Variants in SLC7A6OS observed in about 807,000 individuals in gnomAD.
SLC7A6OS encodes solute carrier family 7 member 6 opposite strand, also known as probable RNA polymerase II nuclear localization protein SLC7A6OS.
Under a neutral mutation model 34.3 loss-of-function variants are expected in SLC7A6OS, and 22 were observed. The observed-to-expected ratio is 0.64, with a 90% CI of 0.46 to 0.92. The LOEUF is 0.92. Among genes scored for constraint, SLC7A6OS ranks in the 40% least tolerant of loss-of-function variants. SLC7A6OS has a pLI of 0.00. For synonymous variants in SLC7A6OS, 199 were observed against 165.0 expected, an observed-to-expected ratio of 1.21 and a Z score of -1.58; for missense variants, 434 against 407.7, an observed-to-expected ratio of 1.06 and a Z score of -0.56.
intron 2 of SLC7A6OS, among the ~76,000 whole-genome samples, chr16:68,304,523 T>C (rs2043312679): frequency 6.6e-6 from 1 of 152,112 alleles, no homozygotes; most frequent in African/African-American, 2.4e-5. Context: ...GGTTTCACTG[T>C]GTTAGCCAGG....
chr16:68,302,268 C>T, intron 4 of SLC7A6OS, 113 bp downstream of exon 4: 1 of 1,304,798 alleles, frequency 7.7e-7, no homozygotes. Flanking sequence ...TGCGGCTGGG[C>T]TGCTGGCGCT....
At position 68,310,493 on chromosome 16, in the gene SLC7A6OS, C is replaced by A. The variant is rs1322671574; in HGVS notation, c.313G>T (p.Val105Leu). The change falls in exon 2 of 5, where the codon GTG (valine) becomes TTG (leucine). Residue 105 changes from valine to leucine, a missense_variant. Transcript: ENST00000263997. ...CCCAAGGATCGGCGGCTGGAAAGCA[C>A]CCGGTAGCGGCCCTCCTGCCGGACC... ...REVRQEGRYR[V>L]LSSRRSLGTT... 1.3e-6 allele frequency: 2 copies of A among 1,588,256 alleles called. No individual in the cohort carries two copies. Among genetic ancestry groups the A allele is most frequent in the South Asian group, 1.1e-5 (1 of 88,468 alleles).
Position 68,300,908 on chromosome 16 carries a change from G to A in SLC7A6OS, c.*367C>T, listed in dbSNP as rs1597018192. 2 of 997,234 alleles carry A rather than the reference G, an allele frequency of 2.0e-6. No homozygotes were observed. Among genetic ancestry groups the A allele is most frequent in the Non-Finnish European group, 1.2e-6 (1 of 837,592 alleles). 61.8% of individuals were successfully genotyped at this position (997,234 alleles called of 1,614,324 possible). A position where few individuals can be genotyped will look rare whatever the true frequency, so the allele number is the denominator to read the frequency against. ...AGCCTGGTGGTATGGCACAGCAGAA[G>A]CTTACTGCTAATGAAATGGGAACCT... On this transcript the variant is annotated 3_prime_UTR_variant, in exon 5 of 5. Transcript: ENST00000263997.
rs535666644 is a variant in SLC7A6OS at position 68,302,303 on chromosome 16, T to C, written c.799+78A>G. On this transcript the variant is annotated intron_variant, in intron 4 of 4. Coordinates refer to ENST00000263997, the MANE Select transcript of SLC7A6OS (RefSeq NM_032178.3). Reference sequence around the variant, plus strand: ...TCAATGACAGAGAAGGAAAGGCAATTAAGATGCACCTGTCAACTATGCCTG... The same window carrying C: ...TCAATGACAGAGAAGGAAAGGCAATCAAGATGCACCTGTCAACTATGCCTG... 5 of 1,548,862 alleles carry C rather than the reference T, an allele frequency of 3.2e-6. No individual in the cohort carries two copies. The South Asian group carries it at 5.8e-5, about 18-fold the overall frequency.
chr16:68,301,457 G>A, intron 4 of SLC7A6OS, 52 bp from the exon 5 acceptor site: 1 of 1,535,620 alleles, frequency 6.5e-7, no homozygotes, highest in South Asian at 1.2e-5. Flanking sequence ...CTAGGCTACT[G>A]CAGGAGCCCC....
chr16:68,305,488 G>A (rs1439708163), intron 2 of SLC7A6OS, among the ~76,000 whole-genome samples: 1 of 152,132 alleles, frequency 6.6e-6, no homozygotes, highest in East Asian at 1.9e-4. Flanking sequence ...ACAGGGACAT[G>A]CTGCAGATGG....
intron 2 of SLC7A6OS, 87 bp from the exon 3 acceptor site, chr16:68,304,319 G>T: frequency 8.1e-7 from 1 of 1,230,458 alleles, no homozygotes; most frequent in Non-Finnish European, 1.2e-6. Flanking sequence ...GGTGAAGGAA[G>T]GCTCCCTACA....
intron 4 of SLC7A6OS, 74 bp from the exon 5 acceptor site, chr16:68,301,479 G>T: frequency 7.2e-7 from 1 of 1,387,832 alleles, no homozygotes; most frequent in Non-Finnish European, 9.9e-7. Context: ...TCTCTTCTCA[G>T]AAAGGTCTGT....
In SLC7A6OS at chr16:68,310,576, C is replaced by A. The variant is rs1045506163; in HGVS notation, c.230G>T (p.Arg77Leu). The part of the protein sequence containing the change: ...PVQPLLREVL[R>L]PSRDSQQRVR... ...ACGCTGCTGGCTGTCCCGTGACGGG[C>A]GCAGAACTTCCCGCAGGAGAGGCTG... Residue 77 changes from arginine to leucine, a missense_variant, in exon 2 of 5, where the codon CGC becomes CTC. Coordinates refer to ENST00000263997, the MANE Select transcript of SLC7A6OS (RefSeq NM_032178.3). The A allele has an allele frequency of 1.3e-6, 2 of 1,587,808 alleles. No homozygotes were observed. Among genetic ancestry groups the A allele is most frequent in the Non-Finnish European group, 1.7e-6 (2 of 1,168,740 alleles).
At position 68,298,851 on chromosome 16, in the gene SLC7A6OS, GA is replaced by G. The variant is rs2043220080; in HGVS notation, c.*2423del. ...CCCAGACACTGTCATCCTGGGCCGA[GA>G]AGAACCTGCTAGCTTGACATACCCC... On this transcript the variant is annotated 3_prime_UTR_variant, in exon 5 of 5. Coordinates refer to ENST00000263997, the MANE Select transcript of SLC7A6OS (RefSeq NM_032178.3). 6.5e-6 allele frequency: 1 copy of G among 152,740 alleles called. No homozygotes were observed. Among genetic ancestry groups the G allele is most frequent in the South Asian group, 2.1e-4 (1 of 4,828 alleles). The allele number at this position is 152,740 out of a possible 1,614,324, so 9.5% of individuals were successfully genotyped here.
Position 68,301,161 on chromosome 16 carries a change from T to C in SLC7A6OS, c.*114A>G. ...GTGCCGCCCGATATGCTTGATATGC[T>C]TTTCCTTCCACATGTTAAGCTAGGA... On this transcript the variant is annotated 3_prime_UTR_variant, in exon 5 of 5. Transcript: ENST00000263997. The C allele has an allele frequency of 6.7e-7, 1 of 1,484,568 alleles. No homozygotes were observed. Among genetic ancestry groups the C allele is most frequent in the Non-Finnish European group, 9.0e-7 (1 of 1,112,844 alleles). 92.0% of individuals were successfully genotyped at this position (1,484,568 alleles called of 1,614,324 possible).
At position 68,310,850 on chromosome 16, in the gene SLC7A6OS, G is replaced by C. The variant is rs780623572; in HGVS notation, c.77C>G (p.Ala26Gly). 2.9e-5 allele frequency: 46 copies of C among 1,612,898 alleles called. No homozygotes were observed. Among genetic ancestry groups the C allele is most frequent in the Non-Finnish European group, 3.8e-5 (45 of 1,179,846 alleles). Residue 26 changes from alanine to glycine, a missense_variant, in exon 1 of 5, where the codon GCT becomes GGT. Physicochemically the swap from Ala to Gly is moderately conservative, Grantham distance 60. Coordinates refer to ENST00000263997, the MANE Select transcript of SLC7A6OS (RefSeq NM_032178.3). Reference sequence around the variant, plus strand: ...CGCGTCGCTCCGGAGGCGTTTACAAGCGAGCACAAGAGCCTCCGCCGGCTC... The same window carrying C: ...CGCGTCGCTCCGGAGGCGTTTACAACCGAGCACAAGAGCCTCCGCCGGCTC... ...SAEPAEALVL[A>G]CKRLRSDAVE... is the part of the protein sequence containing the mutation.
In SLC7A6OS at chr16:68,310,587, C is replaced by T. The variant is rs2062921486; in HGVS notation, c.219G>A (p.Arg73=). Residue 73 remains arginine (R), a synonymous_variant, in exon 2 of 5, where the codon CGG becomes CGA. Transcript: ENST00000263997. ...TGTCCCGTGACGGGCGCAGAACTTCCCGCAGGAGAGGCTGGACTGGTTCCT... is the reference window on the plus strand; with the variant it reads ...TGTCCCGTGACGGGCGCAGAACTTCTCGCAGGAGAGGCTGGACTGGTTCCT... ...SQEEPVQPLL[R]EVLRPSRDSQ... 1.9e-6 allele frequency: 3 copies of T among 1,595,126 alleles called. No individual in the cohort carries two copies. Among genetic ancestry groups the T allele is most frequent in the Non-Finnish European group, 2.6e-6 (3 of 1,172,156 alleles).
At position 68,310,454 on chromosome 16, in the gene SLC7A6OS, C is replaced by A. The variant is rs535274480; in HGVS notation, c.352G>T (p.Gly118Cys). Reference protein sequence around the residue: ...SRRSLGTTSSGQESEYTPGNP... With the variant: ...SRRSLGTTSSCQESEYTPGNP... ...CCCGGCGTGTACTCGGACTCCTGGC[C>A]GCTCGAGGTGGTCCCCAAGGATCGG... The change falls in exon 2 of 5, where the codon GGC becomes TGC. Residue 118 changes from glycine (G) to cysteine (C), a missense_variant. Physicochemically the swap from Gly to Cys is radical, Grantham distance 159 (BLOSUM62 -3). Coordinates refer to ENST00000263997, the MANE Select transcript of SLC7A6OS (RefSeq NM_032178.3). 1.7e-5 allele frequency: 28 copies of A among 1,602,660 alleles called. No individual in the cohort carries two copies. Among genetic ancestry groups the A allele is most frequent in the African/African-American group, 1.7e-4 (13 of 74,856 alleles).
intron 4 of SLC7A6OS, 121 bp from the exon 5 acceptor site, chr16:68,301,526 T>C (rs1286894366): frequency 5.4e-6 from 4 of 735,148 alleles, no homozygotes; most frequent in Non-Finnish European, 6.2e-6. Flanking sequence ...CCTTGCTCAA[T>C]AAATAAAAAA....
At position 68,299,685 on chromosome 16, in the gene SLC7A6OS, T is replaced by G. The variant is rs2151236814; in HGVS notation, c.*1590A>C. ...TGTAACAGCACAGTGTTTTGTTTTT[T>G]TCACCCGGTTGCTGTATGAGAATGG... is the stretch of plus-strand genomic sequence containing the variant. On this transcript the variant is annotated 3_prime_UTR_variant, in exon 5 of 5. Coordinates refer to ENST00000263997, the MANE Select transcript of SLC7A6OS (RefSeq NM_032178.3). 6.6e-6 allele frequency: 1 copy of G among 152,342 alleles called. No homozygotes were observed. The highest frequency in any genetic ancestry group is 1.9e-4 in the East Asian group (1 of 5,186). 9.4% of individuals were successfully genotyped at this position (152,342 alleles called of 1,614,324 possible). A position where few individuals can be genotyped will look rare whatever the true frequency, so the allele number is the denominator to read the frequency against.
chr16:68,310,473 G>C lies in SLC7A6OS; in HGVS notation c.333C>G (p.Ser111=), dbSNP rs369299033. 8.4e-5 allele frequency: 135 copies of C among 1,598,230 alleles called. No individual in the cohort carries two copies. In the African/African-American group the frequency reaches 1.7e-3, roughly 20 times the overall value. Reference sequence around the variant, plus strand: ...CCTGGCCGCTCGAGGTGGTCCCCAAGGATCGGCGGCTGGAAAGCACCCGGT... The same window carrying C: ...CCTGGCCGCTCGAGGTGGTCCCCAACGATCGGCGGCTGGAAAGCACCCGGT... ...GRYRVLSSRR[S]LGTTSSGQES... The change falls in exon 2 of 5, where the codon TCC becomes TCG. Residue 111 remains serine (S), a synonymous_variant. Coordinates refer to ENST00000263997, the MANE Select transcript of SLC7A6OS (RefSeq NM_032178.3).
rs564548920 is a variant in SLC7A6OS, at chr16:68,308,140, G to GATCC, written c.471+2191_471+2194dup. On this transcript the variant is annotated intron_variant, in intron 2 of 4. Coordinates refer to ENST00000263997, the MANE Select transcript of SLC7A6OS (RefSeq NM_032178.3). ...TGGTCTTGAACTCCTGACCTCAAGTGATCCACCCGCCTCAGCCTCCCAAAG... is the reference window on the plus strand; with the variant it reads ...TGGTCTTGAACTCCTGACCTCAAGTGATCCATCCACCCGCCTCAGCCTCCCAAAG... Among the ~76,000 whole-genome samples the GATCC allele has an allele frequency of 5.2e-4, 79 of 151,510 alleles. No individual in the cohort carries two copies. The East Asian group carries it at 0.015, about 29-fold the overall frequency.
chr16:68,306,579 T>C (rs1236356013), intron 2 of SLC7A6OS, among the ~76,000 whole-genome samples: 1 of 152,046 alleles, frequency 6.6e-6, no homozygotes. Flanking sequence ...CTCCTAGCCT[T>C]AGATGATCTT....
Sources: allele counts gnomAD v4.1 joint callset (sites outside exome capture counted in the v4.1 genomes callset), GRCh38; gene constraint gnomAD v4.1.1; transcripts MANE v1.5; gene names NCBI Gene and HGNC (gene_info 2026-07-23, HGNC 2026-07-21).